Variants in MLIP observed in about 807,000 individuals in gnomAD.
The protein encoded by MLIP is muscular LMNA-interacting protein.
A neutral mutation model predicts 84.8 loss-of-function variants in MLIP; 79 were observed. The ratio of observed to expected loss-of-function variants is 0.93; its 90% CI spans 0.78 to 1.12. The LOEUF (loss-of-function observed/expected upper bound fraction) is 1.12, where lower values mean the gene tolerates loss of function less well. Among genes scored for constraint, MLIP ranks in the 50% most tolerant of loss-of-function variants. The pLI is 0.00. For missense variants in MLIP, 1,257 were observed against 1,160.6 expected, an observed-to-expected ratio of 1.08 and a Z score of -1.21; for synonymous variants, 504 against 463.0, an observed-to-expected ratio of 1.09 and a Z score of -1.14.
intron 7 of MLIP, 65 bp downstream of exon 7, chr6:54,160,664 T>C: frequency 6.7e-7 from 1 of 1,501,468 alleles, no homozygotes; most frequent in Non-Finnish European, 9.3e-7. Context: ...TTTCCTCTAC[T>C]TTAGTATGAT....
At chr6:54,249,017 A>G (rs957339154) in intron 12 of MLIP, among the ~76,000 whole-genome samples, 4 of 152,162 alleles carry the variant, frequency 2.6e-5, no homozygotes, top group Middle Eastern at 3.2e-3. Flanking sequence ...AAGAACCGAT[A>G]TTAAGGATTC....
Position 54,254,320 on chromosome 6 carries a change from T to C in MLIP, c.2923-2988T>C, listed in dbSNP as rs138897800. On this transcript the variant is annotated intron_variant, in intron 12 of 13. Transcript: ENST00000502396. ...TTTTGTATTTTTAGTAGAGATGGGG[T>C]TTTACCATGTTGGCCAGGCTGGTTT... Among the ~76,000 whole-genome samples, 380 of 151,768 alleles carry C rather than the reference T, an allele frequency of 2.5e-3. 1 individual carries two copies. Among genetic ancestry groups the C allele is most frequent in the African/African-American group, 8.6e-3 (356 of 41,378 alleles).
intron 11 of MLIP, among the ~76,000 whole-genome samples, chr6:54,204,339 C>G (rs1055404815): frequency 6.6e-6 from 1 of 152,120 alleles, no homozygotes; most frequent in Non-Finnish European, 1.5e-5. Flanking sequence ...AACAAAAGCA[C>G]TTATGAAATA....
intron 12 of MLIP, among the ~76,000 whole-genome samples, chr6:54,255,491 A>G (rs1180309082): frequency 2.6e-5 from 4 of 152,230 alleles, no homozygotes; most frequent in Non-Finnish European, 5.9e-5. Context: ...GCTTAAGAAT[A>G]TTAAAAAGGC....
intron 1 of MLIP, among the ~76,000 whole-genome samples, chr6:54,036,258 T>TA (rs1194685390): frequency 3.7e-4 from 45 of 122,888 alleles, no homozygotes; most frequent in African/African-American, 1.3e-3. Context: ...TTTTTTTTTT[T>TA]AAATCTCCTT....
intron 1 of MLIP, among the ~76,000 whole-genome samples, chr6:54,091,028 T>A (rs1347702669): frequency 6.6e-6 from 1 of 152,058 alleles, no homozygotes; most frequent in Non-Finnish European, 1.5e-5. Context: ...CCAGGAACCG[T>A]GCTGTGAGTT....
intron 1 of MLIP, among the ~76,000 whole-genome samples, chr6:54,093,334 T>A (rs9474733): frequency 1.0e-4 from 10 of 98,828 alleles, no homozygotes; most frequent in African/African-American, 3.8e-4. Context: ...GATTAAATTC[T>A]ATTCTATTCT....
intron 1 of MLIP, among the ~76,000 whole-genome samples, chr6:54,121,069 G>A (rs946846727): frequency 1.3e-5 from 2 of 152,108 alleles, no homozygotes; most frequent in African/African-American, 2.4e-5. Flanking sequence ...TTAATAAATT[G>A]AACCGGCTAA....
chr6:54,153,634 G>A (rs1371776120), intron 5 of MLIP, among the ~76,000 whole-genome samples: 1 of 151,902 alleles, frequency 6.6e-6, no homozygotes, highest in East Asian at 1.9e-4. Context: ...GATCACCTGA[G>A]GTCAGAAATT....
intron 8 of MLIP, among the ~76,000 whole-genome samples, chr6:54,165,262 GGT>G (rs1283409255): frequency 2.0e-5 from 3 of 151,838 alleles, no homozygotes. Flanking sequence ...TCTCCACCCT[GGT>G]GACCCTGACT....
At chr6:54,191,587 G>T (rs867755623) in intron 10 of MLIP, among the ~76,000 whole-genome samples, 1 of 152,074 alleles carries the variant, frequency 6.6e-6, no homozygotes, top group Non-Finnish European at 1.5e-5. Flanking sequence ...TCAAAAGTCC[G>T]GGAGTCTGGA....
intron 3 of MLIP, among the ~76,000 whole-genome samples, chr6:54,128,467 A>AGT (rs1307888137): frequency 6.6e-6 from 1 of 152,114 alleles, no homozygotes; most frequent in Non-Finnish European, 1.5e-5. Context: ...TGTCTGAGAG[A>AGT]GTGGTTTTAT....
chr6:54,048,501 C>G (rs1032969776), intron 1 of MLIP, among the ~76,000 whole-genome samples: 1 of 152,090 alleles, frequency 6.6e-6, no homozygotes. Context: ...ACCCAGTTTA[C>G]AGTGGGCATG....
At chr6:54,056,511 C>CGG (rs1232850198) in intron 1 of MLIP, among the ~76,000 whole-genome samples, 1 of 152,180 alleles carries the variant, frequency 6.6e-6, no homozygotes, top group African/African-American at 2.4e-5. Context: ...GGAATACTTG[C>CGG]AGAAGTAAAC....
intron 13 of MLIP, among the ~76,000 whole-genome samples, chr6:54,257,572 T>C (rs1783093470): frequency 6.6e-6 from 1 of 152,074 alleles, no homozygotes; most frequent in Non-Finnish European, 1.5e-5. Flanking sequence ...GCACTAGAGT[T>C]CCCCGTGTCT....
chr6:54,037,472 A>C (rs1341813507), intron 1 of MLIP, among the ~76,000 whole-genome samples: 1 of 151,742 alleles, frequency 6.6e-6, no homozygotes, highest in Non-Finnish European at 1.5e-5. Flanking sequence ...AGGGAGAAAG[A>C]GAGAGAGAGA....
intron 1 of MLIP, among the ~76,000 whole-genome samples, chr6:54,040,865 A>G (rs368389671): frequency 1.1e-4 from 16 of 152,176 alleles, no homozygotes; most frequent in African/African-American, 3.9e-4. Context: ...AATAAAGAAC[A>G]GGTACACATG....
intron 5 of MLIP, among the ~76,000 whole-genome samples, chr6:54,156,470 A>C (rs2150548844): frequency 6.6e-6 from 1 of 152,284 alleles, no homozygotes; most frequent in Non-Finnish European, 1.5e-5. Flanking sequence ...AAGTTTCCAC[A>C]GACTAATTAA....
intron 10 of MLIP, among the ~76,000 whole-genome samples, chr6:54,193,463 AG>A (rs1311810081): frequency 6.6e-6 from 1 of 152,232 alleles, no homozygotes; most frequent in Non-Finnish European, 1.5e-5. Flanking sequence ...ATGCTTATGT[AG>A]TTAAATAGAT....
Sources: allele counts gnomAD v4.1 joint callset (sites outside exome capture counted in the v4.1 genomes callset), GRCh38; gene constraint gnomAD v4.1.1; transcripts MANE v1.5; gene names NCBI Gene and HGNC (gene_info 2026-07-23, HGNC 2026-07-21).